The following GRIA1 variants were observed in gnomAD, a reference collection of about 807,000 sequenced individuals.
GRIA1 encodes the protein glutamate ionotropic receptor AMPA type subunit 1.
Under a neutral mutation model 99.2 loss-of-function variants are expected in GRIA1, and 31 were observed. That is an observed-to-expected ratio of 0.31 (90% confidence interval 0.23 to 0.42). The LOEUF (loss-of-function observed/expected upper bound fraction) is 0.42. GRIA1 is among the 10% of genes least tolerant of loss of function. The pLI is 1.00. For synonymous variants in GRIA1, 438 were observed against 432.4 expected, an observed-to-expected ratio of 1.01 and a Z score of -0.16; for missense variants, 782 against 1,157.5, an observed-to-expected ratio of 0.68 and a Z score of 4.71.
intron 2 of GRIA1, among the ~76,000 whole-genome samples, chr5:153,637,340 A>T (rs116212140): frequency 0.026 from 3,968 of 152,270 alleles, 198 homozygotes; most frequent in African/African-American, 0.091. Flanking sequence ...AGTTGTTTAG[A>T]CAGCTGTCTA....
At chr5:153,764,695 T>TC in intron 12 of GRIA1, 63 bp downstream of exon 12, 1 of 1,182,352 alleles carries the variant, frequency 8.5e-7, no homozygotes, top group African/African-American at 1.5e-5. Context: ...CATTAAAATG[T>TC]CCTTCTCATT....
intron 2 of GRIA1, among the ~76,000 whole-genome samples, chr5:153,504,238 G>T (rs930137451): frequency 3.2e-4 from 49 of 151,854 alleles, no homozygotes; most frequent in African/African-American, 1.2e-3. Context: ...ATACGGACAT[G>T]GGGGAGGAAT....
intron 14 of GRIA1, 101 bp from the exon 15 acceptor site, chr5:153,802,255 T>C: frequency 4.4e-6 from 4 of 918,722 alleles, no homozygotes; most frequent in Middle Eastern, 3.2e-4. Context: ...GGTGTGGGGT[T>C]GTGTGTATGT....
intron 2 of GRIA1, among the ~76,000 whole-genome samples, chr5:153,535,850 G>A (rs1348717397): frequency 1.3e-5 from 2 of 152,148 alleles, no homozygotes; most frequent in East Asian, 3.9e-4. Flanking sequence ...TCTTTGATCT[G>A]CCACCAAGTT....
chr5:153,749,192 C>G (rs60442853), intron 11 of GRIA1, among the ~76,000 whole-genome samples: 10,497 of 152,148 alleles, frequency 0.069, 1,033 homozygotes, highest in East Asian at 0.53. Context: ...TTGTCATCAT[C>G]ATCATTATGA....
At chr5:153,800,150 C>A (rs1765914214) in intron 14 of GRIA1, among the ~76,000 whole-genome samples, 1 of 152,168 alleles carries the variant, frequency 6.6e-6, no homozygotes, top group African/African-American at 2.4e-5. Flanking sequence ...CTCCAGCTTT[C>A]TTTTTTACCA....
intron 11 of GRIA1, among the ~76,000 whole-genome samples, chr5:153,729,523 A>G (rs563733437): frequency 1.3e-5 from 2 of 152,142 alleles, no homozygotes; most frequent in South Asian, 4.2e-4. Flanking sequence ...GATTGGAGGT[A>G]TTGGCTAAAT....
chr5:153,724,653 G>A (rs1760364957), intron 11 of GRIA1, among the ~76,000 whole-genome samples: 1 of 152,204 alleles, frequency 6.6e-6, no homozygotes, highest in African/African-American at 2.4e-5. Flanking sequence ...ATCAGTGATG[G>A]AAGATGAAAT....
At chr5:153,624,247 C>G (rs1332563468) in intron 2 of GRIA1, among the ~76,000 whole-genome samples, 1 of 152,196 alleles carries the variant, frequency 6.6e-6, no homozygotes, top group Non-Finnish European at 1.5e-5. Context: ...GCCATCTGAG[C>G]AATTGTCCCC....
rs369271532 is a variant in GRIA1 at position 153,638,880 on chromosome 5, G to A, written c.221-8048G>A. ...TGTAAGGGTCTTTATGAAGGAGATG[G>A]CATTTGAGCTTAACTTTTAAAGAAT... On this transcript the variant is annotated intron_variant, in intron 2 of 15. Transcript: ENST00000285900. Among the ~76,000 whole-genome samples, 44 of 152,300 alleles carry A rather than the reference G, an allele frequency of 2.9e-4. 1 individual carries two copies. Among genetic ancestry groups the A allele is most frequent in the Admixed American group, 2.4e-3 (36 of 15,300 alleles).
At chr5:153,500,074 T>A (rs1754839399) in intron 2 of GRIA1, among the ~76,000 whole-genome samples, 1 of 152,244 alleles carries the variant, frequency 6.6e-6, no homozygotes, top group Non-Finnish European at 1.5e-5. Context: ...TGTTGACATT[T>A]GTCTGTGGTT....
chr5:153,566,304 C>CTTTT (rs55872840), intron 2 of GRIA1, among the ~76,000 whole-genome samples: 2,468 of 36,548 alleles, frequency 0.068, 637 homozygotes, highest in South Asian at 0.13. Flanking sequence ...AATTCCCTGC[C>CTTTT]TTTTTTTTTT....
intron 2 of GRIA1, among the ~76,000 whole-genome samples, chr5:153,588,880 T>C (rs1763724653): frequency 1.3e-5 from 2 of 152,206 alleles, no homozygotes. Context: ...TATCTTCAGC[T>C]CCTTCCTTTC....
chr5:153,569,180 T>C (rs1406901024), intron 2 of GRIA1, among the ~76,000 whole-genome samples: 1 of 152,234 alleles, frequency 6.6e-6, no homozygotes, highest in Non-Finnish European at 1.5e-5. Context: ...TAATGCTTAG[T>C]AAGGCACTAA....
chr5:153,723,409 C>T (rs942311106), intron 11 of GRIA1, among the ~76,000 whole-genome samples: 11 of 152,184 alleles, frequency 7.2e-5, no homozygotes, highest in South Asian at 2.1e-4. Flanking sequence ...GTGGGTGCAG[C>T]GCACCATGCA....
In GRIA1 at chr5:153,758,331, A is replaced by T. The variant is rs570777876; in HGVS notation, c.1824-6103A>T. Among the ~76,000 whole-genome samples the T allele has an allele frequency of 7.9e-5, 12 of 152,174 alleles. No individual in the cohort carries two copies. In the South Asian group the frequency reaches 2.3e-3, roughly 29 times the overall value. On this transcript the variant is annotated intron_variant, in intron 11 of 15. Coordinates refer to ENST00000285900, the MANE Select transcript of GRIA1 (RefSeq NM_000827.4). ...AGAGGGTCACTTCACCTATAAGAGA[A>T]CACATAGTCTGAAAGAAAAAGGAGG... is the stretch of plus-strand genomic sequence containing the variant.
intron 11 of GRIA1, among the ~76,000 whole-genome samples, chr5:153,735,192 C>T (rs775542158): frequency 6.6e-6 from 1 of 152,114 alleles, no homozygotes; most frequent in Non-Finnish European, 1.5e-5. Context: ...AGAAGGGTGA[C>T]CAGTTGGGAG....
At chr5:153,541,075 T>C (rs1030710787) in intron 2 of GRIA1, among the ~76,000 whole-genome samples, 1 of 152,202 alleles carries the variant, frequency 6.6e-6, no homozygotes, top group African/African-American at 2.4e-5. Flanking sequence ...TGAGCATACC[T>C]CTACTTTCCC....
rs1242749632 is a variant in GRIA1 at position 153,714,140 on chromosome 5, G to A, written c.1823+8073G>A. The stretch of plus-strand genomic sequence containing the variant: ...AAGTCAGCCGGGGGCTGTGGTGAAC[G>A]GCACATGCATGTGTCAGCTAGAGAG... On this transcript the variant is annotated intron_variant, in intron 11 of 15. Coordinates refer to ENST00000285900, the MANE Select transcript of GRIA1 (RefSeq NM_000827.4). 5.3e-5 allele frequency among the ~76,000 whole-genome samples: 8 copies of A among 152,226 alleles called. 1 individual carries two copies. Among genetic ancestry groups the A allele is most frequent in the Middle Eastern group, 3.4e-3 (1 of 294 alleles).
Sources: gnomAD v4.1 joint callset for allele counts (sites outside exome capture counted in the v4.1 genomes callset) on GRCh38, gnomAD v4.1.1 for gene constraint, MANE v1.5 for transcripts, NCBI Gene and HGNC (gene_info 2026-07-23, HGNC 2026-07-21) for gene names.